Variants in STK3 observed in about 807,000 individuals in gnomAD.
STK3 encodes the protein serine/threonine kinase 3.
STK3 carries 41 observed loss-of-function variants against 58.0 expected under a neutral mutation model. The observed-to-expected ratio is 0.71, with a 90% confidence interval of 0.55 to 0.92. The LOEUF (loss-of-function observed/expected upper bound fraction) is 0.92, where lower values mean the gene tolerates loss of function less well. STK3 is among the 40% of genes least tolerant of loss of function. The pLI is 0.00. For synonymous variants in STK3, 170 were observed against 191.0 expected (o/e 0.89, Z 0.91); for missense variants, 479 against 602.7 (o/e 0.79, Z 2.15).
chr8:98,428,017 A>C lies in STK3; in HGVS notation n.483+6110T>G. 6.3e-7 allele frequency: 1 copy of C among 1,595,640 alleles called. No homozygotes were observed. Among genetic ancestry groups the C allele is most frequent in the South Asian group, 1.1e-5 (1 of 89,036 alleles). ...AGCCTGTGGGACGTGTCGGAGGCTA[A>C]CGTCGAGGACGGGGAGATCCGCATC... On this transcript the variant is annotated intron_variant and non_coding_transcript_variant, in intron 3 of 3. Transcript: ENST00000517832. The surrounding 1 kb of genome is among the most constrained non-coding windows in gnomAD (Gnocchi z 6.7).
intron 4 of STK3, among the ~76,000 whole-genome samples, chr8:98,717,990 CAG>C (rs1827140816): frequency 1.3e-5 from 2 of 152,144 alleles, no homozygotes; most frequent in Non-Finnish European, 2.9e-5. Context: ...ATGAAATACT[CAG>C]AGTTACCAAA....
chr8:98,570,236 C>T (rs1210460058), intron 8 of STK3, among the ~76,000 whole-genome samples: 1 of 151,532 alleles, frequency 6.6e-6, no homozygotes, highest in Non-Finnish European at 1.5e-5. Flanking sequence ...TCAAACCATC[C>T]TCCCACCTCA....
intron 3 of STK3, among the ~76,000 whole-genome samples, chr8:98,420,635 C>T (rs1256834622): frequency 6.6e-6 from 1 of 152,240 alleles, no homozygotes; most frequent in East Asian, 1.9e-4. Context: ...GGTCCTGCAC[C>T]TACTTGAGAC....
intron 1 of STK3, among the ~76,000 whole-genome samples, chr8:98,892,375 ATCTT>A (rs370354519): frequency 1.3e-5 from 2 of 152,186 alleles, no homozygotes; most frequent in African/African-American, 4.8e-5. Flanking sequence ...AACAAATGTG[ATCTT>A]TCTAAGATGC....
chr8:98,489,914 A>C lies in STK3; in HGVS notation c.1318-33914T>G, dbSNP rs533883706. ...TGTCAGGTTTGGCAAAAAGAAAAAA[A>C]CACCTGAAATTTTAACTGGAATTGT... On this transcript the variant is annotated intron_variant, in intron 10 of 10. Coordinates refer to ENST00000419617, the MANE Select transcript of STK3 (RefSeq NM_006281.4). Among the ~76,000 whole-genome samples the C allele has an allele frequency of 8.5e-5, 13 of 152,288 alleles. No homozygotes were observed. The South Asian group carries it at 2.3e-3, about 27-fold the overall frequency.
At chr8:98,559,206 TA>T (rs1811823985) in intron 8 of STK3, among the ~76,000 whole-genome samples, 1 of 152,162 alleles carries the variant, frequency 6.6e-6, no homozygotes, top group Admixed American at 6.6e-5. Context: ...AAAACCTGTT[TA>T]AAACAGTTTT....
At chr8:98,569,181 CCAAT>C (rs145488141) in intron 8 of STK3, among the ~76,000 whole-genome samples, 32 of 151,608 alleles carry the variant, frequency 2.1e-4, no homozygotes, top group East Asian at 1.4e-3. Context: ...AATTTTACAC[CCAAT>C]CAATCAATCA....
chr8:98,887,709 G>A (rs1838043178), intron 1 of STK3, among the ~76,000 whole-genome samples: 1 of 152,112 alleles, frequency 6.6e-6, no homozygotes, highest in Non-Finnish European at 1.5e-5. Flanking sequence ...ATGTACATGA[G>A]ATAACTATTT....
downstream of STK3, among the ~76,000 whole-genome samples, chr8:98,449,918 C>G (rs1218468764): frequency 6.6e-6 from 1 of 152,152 alleles, no homozygotes; most frequent in African/African-American, 2.4e-5. Context: ...TTCTCCGCCA[C>G]ACTGTGACAC....
chr8:98,735,234 A>T (rs1017615419), intron 4 of STK3, among the ~76,000 whole-genome samples: 1 of 152,190 alleles, frequency 6.6e-6, no homozygotes, highest in Non-Finnish European at 1.5e-5. Context: ...AAAGGCTTGT[A>T]GGTGCCAAAA....
At chr8:98,563,414 C>CAT (rs1563743694) in intron 8 of STK3, among the ~76,000 whole-genome samples, 8 of 151,884 alleles carry the variant, frequency 5.3e-5, no homozygotes, top group Non-Finnish European at 1.2e-4. Flanking sequence ...CATATATATA[C>CAT]ACACACACAC....
At chr8:98,597,767 G>C in intron 6 of STK3, 1 of 984,094 alleles carries the variant, frequency 1.0e-6, no homozygotes, top group Non-Finnish European at 1.2e-6. Flanking sequence ...GGCTATTACA[G>C]TTTTTAAAAT....
chr8:98,566,192 T>C (rs1812466524), intron 8 of STK3, among the ~76,000 whole-genome samples: 1 of 152,102 alleles, frequency 6.6e-6, no homozygotes, highest in Admixed American at 6.5e-5. Flanking sequence ...TTTTCTTGAA[T>C]AAAAAATATT....
chr8:98,892,351 C>T (rs1404188465), intron 1 of STK3, among the ~76,000 whole-genome samples: 1 of 152,150 alleles, frequency 6.6e-6, no homozygotes, highest in Admixed American at 6.5e-5. Flanking sequence ...ATTTGTTCTC[C>T]ACACTGCAAC....
intron 6 of STK3, among the ~76,000 whole-genome samples, chr8:98,604,766 T>C (rs1314444805): frequency 6.6e-6 from 1 of 152,220 alleles, no homozygotes; most frequent in East Asian, 1.9e-4. Context: ...TTTTCAACTT[T>C]TATGTTCTGC....
chr8:98,707,379 T>C, intron 4 of STK3, 68 bp from the exon 5 acceptor site: 2 of 1,177,172 alleles, frequency 1.7e-6, no homozygotes, highest in Non-Finnish European at 2.3e-6. Context: ...GAAAGAGCAC[T>C]AGTAACAAGT....
At chr8:98,781,558 G>A (rs1335408724) in intron 1 of STK3, among the ~76,000 whole-genome samples, 2 of 152,088 alleles carry the variant, frequency 1.3e-5, no homozygotes, top group Non-Finnish European at 1.5e-5. Flanking sequence ...AGAACTCCAC[G>A]AATACAAAGG....
In STK3 at chr8:98,825,523, C is replaced by G; in HGVS notation, c.18G>C (p.Ala6=). MEQPP[A]PKSKLKKLSE... ...GCTCCCCGATTCGTTACCTCTTAGG[C>G]GCCGGCGGCTGCTCCATGGCGGCCG... is the stretch of plus-strand genomic sequence containing the variant. The change falls in exon 1 of 11, where the codon GCG becomes GCC. Residue 6 remains alanine, a synonymous_variant. Transcript: ENST00000419617. The G allele has an allele frequency of 6.9e-7, 1 of 1,456,356 alleles. No homozygotes were observed. Among genetic ancestry groups the G allele is most frequent in the Non-Finnish European group, 9.1e-7 (1 of 1,098,998 alleles). The allele number at this position is 1,456,356 out of a possible 1,614,324, so 90.2% of individuals were successfully genotyped here.
chr8:98,582,805 A>G (rs1814035690), intron 7 of STK3, among the ~76,000 whole-genome samples: 1 of 152,156 alleles, frequency 6.6e-6, no homozygotes, highest in Admixed American at 6.5e-5. Context: ...TGATTTTTCT[A>G]TTAAATCAAT....
Sources: gnomAD v4.1 joint callset for allele counts (sites outside exome capture counted in the v4.1 genomes callset) on GRCh38, gnomAD v4.1.1 for gene constraint, Gnocchi (gnomAD v3.1) non-coding constraint, MANE v1.5 for transcripts, NCBI Gene and HGNC (gene_info 2026-07-23, HGNC 2026-07-21) for gene names.